The following HAT1 variants were observed in gnomAD, a reference collection of about 807,000 sequenced individuals.
HAT1 encodes the protein histone acetyltransferase 1.
In HAT1, 20 loss-of-function variants were observed where a neutral mutation model predicts 56.6. The observed-to-expected ratio is 0.35, with a 90% CI of 0.25 to 0.51. HAT1 has a LOEUF of 0.51. Ranked by LOEUF, HAT1 falls within the 20% of genes least tolerant of loss-of-function variation. HAT1 has a pLI of 0.95. For synonymous variants in HAT1, 146 were observed against 165.5 expected (o/e 0.88, Z 0.91); for missense variants, 408 against 504.3 (o/e 0.81, Z 1.83).
At chr2:171,944,023 G>A (rs1435787713) in intron 2 of HAT1, among the ~76,000 whole-genome samples, 1 of 151,834 alleles carries the variant, frequency 6.6e-6, no homozygotes, top group Non-Finnish European at 1.5e-5. Flanking sequence ...ATTTGCGCTT[G>A]TAGTCTCAGC....
intron 3 of HAT1, among the ~76,000 whole-genome samples, chr2:171,949,448 C>A (rs1418640059): frequency 6.6e-6 from 1 of 152,062 alleles, no homozygotes; most frequent in Non-Finnish European, 1.5e-5. Flanking sequence ...GAGGCCGAGG[C>A]GGGAGGTTTG....
At chr2:171,955,414 C>T (rs916207866) in intron 4 of HAT1, among the ~76,000 whole-genome samples, 3 of 151,942 alleles carry the variant, frequency 2.0e-5, no homozygotes, top group Non-Finnish European at 4.4e-5. Flanking sequence ...GAGTTTGAGA[C>T]TAGCCTGGCC....
At chr2:171,942,058 C>A (rs940081006) in intron 2 of HAT1, among the ~76,000 whole-genome samples, 15 of 152,016 alleles carry the variant, frequency 9.9e-5, no homozygotes, top group Non-Finnish European at 2.2e-4. Flanking sequence ...GTGCACACCA[C>A]CACACCCAGC....
At chr2:171,961,949 C>G (rs899782532) in intron 4 of HAT1, among the ~76,000 whole-genome samples, 2 of 150,470 alleles carry the variant, frequency 1.3e-5, no homozygotes, top group South Asian at 4.2e-4. Context: ...AGTCTATGTA[C>G]CACTTTAGCC....
chr2:171,965,387 G>A lies in HAT1; in HGVS notation c.359G>A (p.Cys120Tyr). The A allele has an allele frequency of 2.5e-6, 4 of 1,611,542 alleles. No homozygotes were observed. The highest frequency in any genetic ancestry group is 2.7e-5 in the African/African-American group (2 of 74,914). ...KIRQIIPPGF[C>Y]TNTNDFLSLL... The stretch of plus-strand genomic sequence containing the variant: ...AGACAAATCATTCCACCTGGATTTT[G>A]CACAAACACGAATGATTTCCTTTCT... Residue 120 changes from cysteine to tyrosine, a missense_variant, in exon 5 of 11, where the codon TGC (cysteine) becomes TAC (tyrosine). Physicochemically the swap from Cys to Tyr is radical, Grantham distance 194. Transcript: ENST00000264108.
intron 2 of HAT1, among the ~76,000 whole-genome samples, chr2:171,933,117 G>A (rs949506452): frequency 3.3e-5 from 5 of 152,020 alleles, no homozygotes; most frequent in Non-Finnish European, 7.4e-5. Flanking sequence ...GAGTGCAGTG[G>A]TGTGATCATG....
At chr2:171,932,272 A>G (rs1686767653) in intron 2 of HAT1, among the ~76,000 whole-genome samples, 1 of 152,108 alleles carries the variant, frequency 6.6e-6, no homozygotes. Context: ...TTTGGTATCA[A>G]GGTTTCCTGG....
chr2:171,963,382 T>C (rs903503648), intron 4 of HAT1, among the ~76,000 whole-genome samples: 2 of 152,182 alleles, frequency 1.3e-5, no homozygotes, highest in Admixed American at 1.3e-4. Context: ...TTTTCAACTT[T>C]GTTGGGCTCA....
chr2:171,926,901 A>C (rs755549323), intron 2 of HAT1, among the ~76,000 whole-genome samples: 4 of 152,258 alleles, frequency 2.6e-5, no homozygotes, highest in Non-Finnish European at 4.4e-5. Flanking sequence ...TAAGAAACCC[A>C]GATATATATC....
chr2:171,971,494 C>G (rs140975494), intron 8 of HAT1, among the ~76,000 whole-genome samples: 1 of 152,128 alleles, frequency 6.6e-6, no homozygotes, highest in Non-Finnish European at 1.5e-5. Context: ...GTAAGTATCT[C>G]GTTCATCTTC....
intron 1 of HAT1, 41 bp downstream of exon 1, chr2:171,922,548 C>G (rs779600814): frequency 7.6e-7 from 1 of 1,310,950 alleles, no homozygotes; most frequent in East Asian, 2.8e-5. Context: ...AGGAGGCGGC[C>G]AGATCGGGGA....
intron 4 of HAT1, 45 bp from the exon 5 acceptor site, chr2:171,965,293 T>G: frequency 8.5e-7 from 1 of 1,173,032 alleles, no homozygotes; most frequent in South Asian, 1.5e-5. Flanking sequence ...ATATTCAACT[T>G]AAAGTCGAAT....
intron 4 of HAT1, among the ~76,000 whole-genome samples, chr2:171,956,178 T>TA (rs71013096): frequency 0.18 from 16,715 of 92,638 alleles, 2,136 homozygotes; most frequent in African/African-American, 0.35. Flanking sequence ...ACCCTGTCTT[T>TA]AAAAAAAAAA....
intron 2 of HAT1, among the ~76,000 whole-genome samples, chr2:171,942,946 A>G (rs1273587153): frequency 1.3e-5 from 2 of 152,030 alleles, no homozygotes; most frequent in Non-Finnish European, 2.9e-5. Flanking sequence ...CACTACCAAA[A>G]TGTCATATAA....
At chr2:171,966,998 TCTTA>T (rs757090852) in intron 8 of HAT1, 49 bp downstream of exon 8, 62 of 795,644 alleles carry the variant, frequency 7.8e-5, no homozygotes, top group Non-Finnish European at 1.2e-4. Flanking sequence ...AAAAATGTCT[TCTTA>T]CTGATTGATT....
chr2:171,958,814 T>C (rs1687508620), intron 4 of HAT1, among the ~76,000 whole-genome samples: 2 of 152,260 alleles, frequency 1.3e-5, no homozygotes, highest in Admixed American at 6.5e-5. Context: ...CTTCTGACTT[T>C]ACCTCTTTTG....
At chr2:171,950,095 A>G (rs1163614784) in intron 3 of HAT1, among the ~76,000 whole-genome samples, 1 of 151,954 alleles carries the variant, frequency 6.6e-6, no homozygotes, top group Non-Finnish European at 1.5e-5. Flanking sequence ...ATTTCCCTTC[A>G]TGTCTTTTTT....
At chr2:171,964,733 T>A (rs1687646017) in intron 4 of HAT1, 1 of 152,204 alleles carries the variant, frequency 6.6e-6, no homozygotes, top group Non-Finnish European at 1.5e-5. Context: ...CTTGTCTCTT[T>A]TTTACTGTCA....
chr2:171,928,851 C>T (rs1185959780), intron 2 of HAT1, among the ~76,000 whole-genome samples: 1 of 152,160 alleles, frequency 6.6e-6, no homozygotes, highest in East Asian at 1.9e-4. Flanking sequence ...TTGTTGGATA[C>T]ATCATTATTC....
Sources: allele counts gnomAD v4.1 joint callset (sites outside exome capture counted in the v4.1 genomes callset), GRCh38; gene constraint gnomAD v4.1.1; transcripts MANE v1.5; gene names NCBI Gene and HGNC (gene_info 2026-07-23, HGNC 2026-07-21).